Variants in MAPRE2 observed in about 807,000 individuals in gnomAD.
MAPRE2 encodes the protein microtubule-associated protein RP/EB family member 2.
A neutral mutation model predicts 43.2 loss-of-function variants in MAPRE2; 13 were observed. The ratio of observed to expected loss-of-function variants is 0.30; its 90% CI spans 0.20 to 0.48. The LOEUF (loss-of-function observed/expected upper bound fraction) is 0.48. Among genes scored for constraint, MAPRE2 ranks in the 20% least tolerant of loss-of-function variants. The probability of loss-of-function intolerance (pLI) is 0.99; values close to 1 mark genes in which losing one functional copy is unlikely to be tolerated. For synonymous variants in MAPRE2, 135 were observed against 148.8 expected (o/e 0.91, Z 0.68); for missense variants, 161 against 400.2 (o/e 0.40, Z 5.10).
At chr18:35,073,037 A>G (rs1453184388) in intron 2 of MAPRE2, among the ~76,000 whole-genome samples, 1 of 152,180 alleles carries the variant, frequency 6.6e-6, no homozygotes, top group Non-Finnish European at 1.5e-5. Context: ...ATTCTTTTAT[A>G]ATTTCCTGGG....
intron 2 of MAPRE2, among the ~76,000 whole-genome samples, chr18:35,096,562 G>C (rs1000062651): frequency 6.7e-6 from 1 of 149,894 alleles, no homozygotes; most frequent in African/African-American, 2.5e-5. Flanking sequence ...GGACATTTCT[G>C]TCATGTTTCT....
chr18:35,016,698 A>G (rs2097038481), intron 2 of MAPRE2, among the ~76,000 whole-genome samples: 1 of 151,978 alleles, frequency 6.6e-6, no homozygotes. Context: ...TAGACTCTGG[A>G]TATTAGACCT....
chr18:34,989,037 A>G (rs1016562633), intron 1 of MAPRE2, among the ~76,000 whole-genome samples: 13 of 152,292 alleles, frequency 8.5e-5, no homozygotes, highest in African/African-American at 3.1e-4. Flanking sequence ...AAAACATCCC[A>G]GGGCAGAATT....
At chr18:35,110,034 T>C (rs1210006409) in intron 4 of MAPRE2, among the ~76,000 whole-genome samples, 3 of 152,170 alleles carry the variant, frequency 2.0e-5, no homozygotes, top group African/African-American at 7.2e-5. Flanking sequence ...TTACAATATA[T>C]ATTCTTGTTT....
intron 4 of MAPRE2, among the ~76,000 whole-genome samples, chr18:35,115,243 T>C (rs571379251): frequency 6.6e-6 from 1 of 152,318 alleles, no homozygotes; most frequent in African/African-American, 2.4e-5. Context: ...GAAGATGTAG[T>C]ACTCAGTCAA....
rs1905379486 is a variant in MAPRE2 at position 35,041,728 on chromosome 18, A to G, written c.122+67A>G. On this transcript the variant is annotated intron_variant, in intron 1 of 6. Transcript: ENST00000300249. ...AGGGCGCGCGGAAATCCAGCCCGTT[A>G]TATAATGGAGCAGACACTGCCTGCG... The G allele has an allele frequency of 7.4e-6, 12 of 1,611,836 alleles. No homozygotes were observed. The South Asian group carries it at 1.3e-4, about 18-fold the overall frequency.
At chr18:35,063,205 G>A (rs1207968580) in intron 1 of MAPRE2, among the ~76,000 whole-genome samples, 7 of 152,164 alleles carry the variant, frequency 4.6e-5, no homozygotes, top group South Asian at 4.1e-4. Flanking sequence ...CTGGGTTCAC[G>A]CCATTCTCCT....
chr18:35,007,738 C>G (rs991704693), intron 2 of MAPRE2, among the ~76,000 whole-genome samples: 1 of 152,230 alleles, frequency 6.6e-6, no homozygotes, highest in Non-Finnish European at 1.5e-5. Flanking sequence ...GGGTTGCACC[C>G]TCCTTTATTT....
chr18:35,131,478 C>A (rs2144247660), intron 5 of MAPRE2, among the ~76,000 whole-genome samples: 1 of 152,184 alleles, frequency 6.6e-6, no homozygotes, highest in East Asian at 1.9e-4. Flanking sequence ...TGCTTGAGGC[C>A]CCATTCTTCA....
chr18:34,991,488 C>A (rs1192701061), intron 1 of MAPRE2, among the ~76,000 whole-genome samples: 5 of 152,162 alleles, frequency 3.3e-5, no homozygotes, highest in Non-Finnish European at 7.3e-5. Context: ...ACAGCTCTCA[C>A]AATTAGCCAC....
intron 1 of MAPRE2, among the ~76,000 whole-genome samples, chr18:34,991,044 G>C (rs1187910038): frequency 6.6e-6 from 1 of 152,096 alleles, no homozygotes; most frequent in Admixed American, 6.6e-5. Context: ...TTAGATTCAG[G>C]GGGGCACATG....
intron 1 of MAPRE2, among the ~76,000 whole-genome samples, chr18:34,985,284 T>TATATA (rs1568961454): frequency 5.8e-4 from 19 of 32,486 alleles, no homozygotes; most frequent in African/African-American, 3.0e-3. Flanking sequence ...TATAATATAT[T>TATATA]ATATATTATA....
At chr18:35,134,517 T>A (rs913442567) in intron 6 of MAPRE2, among the ~76,000 whole-genome samples, 18 of 152,198 alleles carry the variant, frequency 1.2e-4, no homozygotes, top group African/African-American at 4.3e-4. Flanking sequence ...TGAACCCAGG[T>A]TTATCTAACT....
chr18:34,985,475 T>C, intron 1 of MAPRE2, among the ~76,000 whole-genome samples: 1 of 53,884 alleles, frequency 1.9e-5, no homozygotes, highest in Non-Finnish European at 3.1e-5. Context: ...TTATATAATA[T>C]ATAATATATA....
chr18:35,096,433 T>G (rs1322970406), intron 2 of MAPRE2, among the ~76,000 whole-genome samples: 1 of 152,216 alleles, frequency 6.6e-6, no homozygotes, highest in African/African-American at 2.4e-5. Flanking sequence ...TAAGAAGATA[T>G]GAATCAGTAA....
upstream of MAPRE2, chr18:35,041,290 T>C (rs901190472): frequency 5.8e-6 from 8 of 1,386,638 alleles, no homozygotes; most frequent in South Asian, 3.1e-5. Context: ...TGAGGCGAGG[T>C]GATGAGTTAG....
chr18:35,102,200 G>A, intron 4 of MAPRE2, 41 bp downstream of exon 4: 1 of 1,442,544 alleles, frequency 6.9e-7, no homozygotes, highest in East Asian at 2.3e-5. Context: ...TTTCATCTTT[G>A]ATAATGGCTC....
intron 6 of MAPRE2, among the ~76,000 whole-genome samples, chr18:35,135,459 A>G (rs1910342802): frequency 6.6e-6 from 1 of 151,892 alleles, no homozygotes; most frequent in Admixed American, 6.6e-5. Flanking sequence ...AAGCATTTTC[A>G]TTTCTTCCTG....
chr18:35,030,896 G>A lies in MAPRE2; in HGVS notation c.-8+25343G>A, dbSNP rs550701856. 6.6e-4 allele frequency among the ~76,000 whole-genome samples: 101 copies of A among 152,204 alleles called. 1 individual carries two copies. In the South Asian group the frequency reaches 0.021, roughly 31 times the overall value. On this transcript the variant is annotated intron_variant, in intron 2 of 7. Transcript: ENST00000413393. ...CCTTAATGTTTCTTGAACAAATCAT[G>A]CTCCTACCTCAGGGCCTTTGCACTT...
Sources: allele counts gnomAD v4.1 joint callset (sites outside exome capture counted in the v4.1 genomes callset), GRCh38; gene constraint gnomAD v4.1.1; transcripts MANE v1.5; gene names NCBI Gene and HGNC (gene_info 2026-07-23, HGNC 2026-07-21).